RAC1: variants seen among roughly 807,000 people sequenced by gnomAD.
RAC1 encodes the protein Rac family small GTPase 1.
RAC1 carries 2 observed loss-of-function variants against 25.2 expected under a neutral mutation model. That is an observed-to-expected ratio of 0.08 (90% CI 0.03 to 0.25). RAC1 has a LOEUF of 0.25. RAC1 is among the 10% of genes least tolerant of loss of function. RAC1 has a pLI of 1.00. For missense variants in RAC1, 50 were observed against 235.7 expected (o/e 0.21, Z 5.16); for synonymous variants, 88 against 94.0 (o/e 0.94, Z 0.37).
intron 1 of RAC1, among the ~76,000 whole-genome samples, chr7:6,385,550 A>G (rs1373552172): frequency 6.6e-6 from 1 of 152,230 alleles, no homozygotes; most frequent in African/African-American, 2.4e-5. Context: ...ATGTATGTCC[A>G]ATGAGTCATT....
chr7:6,381,462 A>C (rs1782763257), intron 1 of RAC1, among the ~76,000 whole-genome samples: 1 of 148,956 alleles, frequency 6.7e-6, no homozygotes, highest in Admixed American at 6.7e-5. Context: ...GCACGAAATC[A>C]GCTCACTGCA....
Position 6,387,401 on chromosome 7 carries a change from T to G in RAC1, c.107+118T>G, listed in dbSNP as rs1782953727. 8.1e-6 allele frequency: 6 copies of G among 742,344 alleles called. No individual in the cohort carries two copies. The East Asian group carries it at 1.5e-4, about 18-fold the overall frequency. 46.0% of individuals were successfully genotyped at this position (742,344 alleles called of 1,614,324 possible). On this transcript the variant is annotated intron_variant, in intron 2 of 5. Transcript: ENST00000348035. ...CATATGAACAGATACTAATTTTTTCTTAAACATTCACTGAAACCTAATTAT... is the reference window on the plus strand; with the variant it reads ...CATATGAACAGATACTAATTTTTTCGTAAACATTCACTGAAACCTAATTAT...
intron 1 of RAC1, among the ~76,000 whole-genome samples, chr7:6,378,089 C>T (rs762057368): frequency 6.6e-6 from 1 of 152,088 alleles, no homozygotes; most frequent in Non-Finnish European, 1.5e-5. Context: ...ATGGTTCTGT[C>T]TTATCATTTC....
chr7:6,395,011 C>T (rs1250144123), intron 3 of RAC1, among the ~76,000 whole-genome samples: 1 of 152,212 alleles, frequency 6.6e-6, no homozygotes, highest in Non-Finnish European at 1.5e-5. Flanking sequence ...CCCGCCACCA[C>T]ACCTGACTAA....
At chr7:6,375,799 G>A (rs927434591) in intron 1 of RAC1, 1 of 151,972 alleles carries the variant, frequency 6.6e-6, no homozygotes, top group African/African-American at 2.4e-5. Flanking sequence ...GATTGTCCGT[G>A]ATGGTTACAG....
chr7:6,397,767 C>T (rs939567139), intron 3 of RAC1, among the ~76,000 whole-genome samples: 1 of 152,134 alleles, frequency 6.6e-6, no homozygotes, highest in African/African-American at 2.4e-5. Flanking sequence ...GTGGGTGGAG[C>T]ACCTGAGGTC....
At chr7:6,400,278 T>C in intron 4 of RAC1, 90 bp downstream of exon 4, 2 of 1,321,004 alleles carry the variant, frequency 1.5e-6, no homozygotes, top group Non-Finnish European at 2.1e-6. Flanking sequence ...TAGGAATTTT[T>C]AGTTATTTAA....
At position 6,378,344 on chromosome 7, in the gene RAC1, G is replaced by C. The variant is rs184512519; in HGVS notation, c.35+3574G>C. Among the ~76,000 whole-genome samples the C allele has an allele frequency of 2.3e-4, 35 of 152,102 alleles. 1 individual carries two copies. Among genetic ancestry groups the C allele is most frequent in the African/African-American group, 7.2e-4 (30 of 41,482 alleles). ...GCGGATCACCTGAGGTCAGGAGCTC[G>C]AGACCAGCCTGGCCAACATGGCAAA... On this transcript the variant is annotated intron_variant, in intron 1 of 5. Transcript: ENST00000348035.
chr7:6,400,064 C>CA, intron 3 of RAC1, 62 bp from the exon 4 acceptor site: 1 of 1,450,002 alleles, frequency 6.9e-7, no homozygotes, highest in African/African-American at 1.4e-5. Flanking sequence ...ATGTAGAAAG[C>CA]AAAGTGCATG....
chr7:6,378,166 C>A (rs889977467), intron 1 of RAC1, among the ~76,000 whole-genome samples: 1 of 149,906 alleles, frequency 6.7e-6, no homozygotes, highest in Non-Finnish European at 1.5e-5. Context: ...TAAATAATTC[C>A]TTCATGAAAA....
intron 1 of RAC1, among the ~76,000 whole-genome samples, chr7:6,385,227 A>C (rs1391896921): frequency 1.3e-5 from 2 of 152,184 alleles, no homozygotes; most frequent in Non-Finnish European, 2.9e-5. Flanking sequence ...TTAATTTTTA[A>C]ATTTAACAAC....
chr7:6,400,453 C>T (rs974204390), intron 4 of RAC1, among the ~76,000 whole-genome samples: 2 of 151,982 alleles, frequency 1.3e-5, no homozygotes, highest in Non-Finnish European at 2.9e-5. Flanking sequence ...CCCCAGCCTC[C>T]TGAGTTGCTG....
chr7:6,394,035 A>G (rs963615867), intron 3 of RAC1, among the ~76,000 whole-genome samples: 2 of 152,152 alleles, frequency 1.3e-5, no homozygotes, highest in Non-Finnish European at 2.9e-5. Context: ...ATTTTGTACT[A>G]CATGGAATGT....
In RAC1 at chr7:6,403,247, A is replaced by C. The variant is rs1341583175; in HGVS notation, c.*801A>C. On this transcript the variant is annotated 3_prime_UTR_variant, in exon 6 of 6. Transcript: ENST00000348035. ...CACGGGTAAAAACTCTAAAAGGTTA[A>C]TTTCTGTCAAATGCAGTAGATGATG... 1 of 218,090 alleles carries C rather than the reference A, an allele frequency of 4.6e-6. No individual in the cohort carries two copies. The highest frequency in any genetic ancestry group is 2.2e-5 in the African/African-American group (1 of 44,540). 13.5% of individuals were successfully genotyped at this position (218,090 alleles called of 1,614,324 possible).
chr7:6,396,214 CTG>C (rs34505649), intron 3 of RAC1, among the ~76,000 whole-genome samples: 2,132 of 152,208 alleles, frequency 0.014, 33 homozygotes, highest in South Asian at 0.028. Context: ...AGGAAGGAAA[CTG>C]AGAGACCCTG....
At chr7:6,375,879 C>T (rs1449452481) in intron 1 of RAC1, 2 of 151,936 alleles carry the variant, frequency 1.3e-5, no homozygotes, top group African/African-American at 2.4e-5. Flanking sequence ...CTCAGTGTAA[C>T]CCGAGCAAAA....
intron 3 of RAC1, among the ~76,000 whole-genome samples, chr7:6,396,992 C>T (rs1260578615): frequency 6.1e-5 from 9 of 147,532 alleles, no homozygotes; most frequent in African/African-American, 2.3e-4. Flanking sequence ...GATCGTGCCA[C>T]TGCACTCCAG....
intron 2 of RAC1, among the ~76,000 whole-genome samples, chr7:6,390,096 C>CCTTTTTTTTTTTT (rs1554263519): frequency 2.8e-4 from 21 of 74,914 alleles, no homozygotes; most frequent in Admixed American, 1.0e-3. Flanking sequence ...CCCTCCCTCC[C>CCTTTTTTTTTTTT]TTTTTTTTTT....
intron 1 of RAC1, among the ~76,000 whole-genome samples, chr7:6,383,819 T>TTTTTTTTTTTTC (rs1782842649): frequency 8.7e-6 from 1 of 115,530 alleles, no homozygotes; most frequent in African/African-American, 3.8e-5. Flanking sequence ...TTTTTTTTTT[T>TTTTTTTTTTTTC]GAGACGGAGT....
Sources: allele counts gnomAD v4.1 joint callset (sites outside exome capture counted in the v4.1 genomes callset), GRCh38; gene constraint gnomAD v4.1.1; transcripts MANE v1.5; gene names NCBI Gene and HGNC (gene_info 2026-07-23, HGNC 2026-07-21).